The following CNTNAP4 variants were observed in gnomAD, a reference collection of about 807,000 sequenced individuals.
CNTNAP4 encodes contactin-associated protein-like 4.
CNTNAP4 carries 98 observed loss-of-function variants against 148.4 expected under a neutral mutation model. The observed-to-expected ratio is 0.66, with a 90% CI of 0.56 to 0.78. The LOEUF (loss-of-function observed/expected upper bound fraction) is 0.78, where lower values mean the gene tolerates loss of function less well. CNTNAP4 is among the 30% of genes least tolerant of loss of function. The pLI, the probability that CNTNAP4 is intolerant of heterozygous loss-of-function variation, is 0.00. For synonymous variants in CNTNAP4, 730 were observed against 565.1 expected, an observed-to-expected ratio of 1.29 and a Z score of -4.14; for missense variants, 1,935 against 1,565.6, an observed-to-expected ratio of 1.24 and a Z score of -3.98.
chr16:76,488,628 C>G (rs888189142), intron 12 of CNTNAP4, among the ~76,000 whole-genome samples: 35 of 152,236 alleles, frequency 2.3e-4, no homozygotes, highest in African/African-American at 8.4e-4. Flanking sequence ...TGGGATATTC[C>G]TCTGTATTAC....
chr16:76,413,155 T>C (rs1327639229), intron 3 of CNTNAP4, among the ~76,000 whole-genome samples: 5 of 151,294 alleles, frequency 3.3e-5, no homozygotes, highest in African/African-American at 4.8e-5. Context: ...ACAGTTATTA[T>C]TGACTATAGT....
At chr16:76,464,031 C>G (rs1178750122) in intron 9 of CNTNAP4, among the ~76,000 whole-genome samples, 1 of 152,118 alleles carries the variant, frequency 6.6e-6, no homozygotes, top group East Asian at 1.9e-4. Context: ...TCATTAAATA[C>G]AAGCCCTGCA....
chr16:76,538,573 TATA>T (rs2144271454), intron 19 of CNTNAP4, among the ~76,000 whole-genome samples: 1 of 152,152 alleles, frequency 6.6e-6, no homozygotes, highest in East Asian at 1.9e-4. Context: ...ATATTCAATG[TATA>T]ATTTTATTTA....
rs547717714 is a variant in CNTNAP4, at chr16:76,429,310, AAAACC to A, written c.538+1714_538+1718del. ...TCATGCCACATGATGGACAACTAGTAAAACCAATTTCAAAGTGCTTCCTGTTTACA... is the reference window on the plus strand; with the variant it reads ...TCATGCCACATGATGGACAACTAGTAAATTTCAAAGTGCTTCCTGTTTACA... On this transcript the variant is annotated intron_variant, in intron 4 of 23. Coordinates refer to ENST00000611870, the MANE Select transcript of CNTNAP4 (RefSeq NM_033401.5). Among the ~76,000 whole-genome samples, 237 of 152,318 alleles carry A rather than the reference AAAACC, an allele frequency of 1.6e-3. 1 individual carries two copies. The highest frequency in any genetic ancestry group is 2.7e-3 in the Non-Finnish European group (187 of 68,022).
Position 76,520,251 on chromosome 16 carries a change from A to T in CNTNAP4, c.2366-889A>T, listed in dbSNP as rs889246154. On this transcript the variant is annotated intron_variant, in intron 15 of 23. Transcript: ENST00000611870. ...AGTCGGATTTCACTCCTGTCAGCTC[A>T]TGCTGTTGCATTTATATTTGATTTT... Among the ~76,000 whole-genome samples, 6 of 152,306 alleles carry T rather than the reference A, an allele frequency of 3.9e-5. No homozygotes were observed. The East Asian group carries it at 1.2e-3, about 29-fold the overall frequency.
intron 10 of CNTNAP4, among the ~76,000 whole-genome samples, chr16:76,473,514 C>A (rs2081444376): frequency 6.6e-6 from 1 of 152,014 alleles, no homozygotes; most frequent in Non-Finnish European, 1.5e-5. Flanking sequence ...GATGGCAGAC[C>A]TGTAATCCCA....
At chr16:76,483,668 A>G (rs2081922628) in intron 12 of CNTNAP4, among the ~76,000 whole-genome samples, 1 of 152,200 alleles carries the variant, frequency 6.6e-6, no homozygotes, top group Non-Finnish European at 1.5e-5. Flanking sequence ...TGAGTAGCAC[A>G]AAAATGCAAA....
intron 9 of CNTNAP4, among the ~76,000 whole-genome samples, chr16:76,463,408 C>G (rs1421389331): frequency 6.6e-6 from 1 of 152,024 alleles, no homozygotes. Context: ...TTTAACAATG[C>G]CTAGCTAGTT....
intron 3 of CNTNAP4, among the ~76,000 whole-genome samples, chr16:76,368,001 C>T (rs148881739): frequency 6.6e-5 from 10 of 152,170 alleles, no homozygotes; most frequent in African/African-American, 2.2e-4. Context: ...GAGGTGGGAG[C>T]CCAGATTTTT....
chr16:76,418,495 G>C (rs2079067473), intron 3 of CNTNAP4, among the ~76,000 whole-genome samples: 1 of 151,186 alleles, frequency 6.6e-6, no homozygotes, highest in Admixed American at 6.6e-5. Flanking sequence ...GCCCATCAAA[G>C]GCATTCTTCA....
At position 76,448,000 on chromosome 16, in the gene CNTNAP4, CT is replaced by C; in HGVS notation, c.539-9del. 1 of 1,595,250 alleles carries C rather than the reference CT, an allele frequency of 6.3e-7. No individual in the cohort carries two copies. On this transcript the variant is annotated splice_polypyrimidine_tract_variant and intron_variant, in intron 4 of 23. Coordinates refer to ENST00000611870, the MANE Select transcript of CNTNAP4 (RefSeq NM_033401.5). The stretch of plus-strand genomic sequence containing the variant: ...TTATCCTTAGAATGCCTTCTACTAT[CT>C]TTGTTTCTAGGATCAGAAGTGGTTG...
At chr16:76,299,554 A>C (rs1959708877) in intron 1 of CNTNAP4, among the ~76,000 whole-genome samples, 1 of 152,152 alleles carries the variant, frequency 6.6e-6, no homozygotes, top group African/African-American at 2.4e-5. Context: ...GTGGGACTGT[A>C]AACTAGTTCA....
chr16:76,516,988 C>T (rs562202962), intron 15 of CNTNAP4, among the ~76,000 whole-genome samples: 14 of 152,238 alleles, frequency 9.2e-5, no homozygotes, highest in East Asian at 5.8e-4. Context: ...CGCTTCAACC[C>T]GGGAGGTGGA....
chr16:76,382,342 T>C (rs1412187352), intron 3 of CNTNAP4, among the ~76,000 whole-genome samples: 1 of 152,114 alleles, frequency 6.6e-6, no homozygotes, highest in African/African-American at 2.4e-5. Flanking sequence ...TAAAGTGACT[T>C]TAAAACAGTA....
At chr16:76,449,042 T>A in intron 6 of CNTNAP4, 91 bp downstream of exon 6, 1 of 1,195,374 alleles carries the variant, frequency 8.4e-7, no homozygotes. Flanking sequence ...GAGCCCACCT[T>A]TTCAGTAAAT....
rs375548298 is a variant in CNTNAP4, at chr16:76,462,082, C to T, written c.1460C>T (p.Ser487Leu). 5.3e-5 allele frequency: 85 copies of T among 1,613,340 alleles called. No individual in the cohort carries two copies. The highest frequency in any genetic ancestry group is 1.1e-4 in the African/African-American group (8 of 74,896). Residue 487 changes from serine (S) to leucine (L), a missense_variant, in exon 9 of 24, where the codon TCG (serine) becomes TTG (leucine). Ser to Leu is a moderately radical substitution (Grantham distance 145). Coordinates refer to ENST00000611870, the MANE Select transcript of CNTNAP4 (RefSeq NM_033401.5). Reference sequence around the variant, plus strand: ...CTGCTGGGGCCTGAGCAGATTTATTCGGGTGGCACCTATTATTTTGGAGGT... The same window carrying T: ...CTGCTGGGGCCTGAGCAGATTTATTTGGGTGGCACCTATTATTTTGGAGGT... The part of the protein sequence containing the change: ...APLLGPEQIY[S>L]GGTYYFGGCP...
intron 3 of CNTNAP4, among the ~76,000 whole-genome samples, chr16:76,392,465 T>C (rs535301721): frequency 9.4e-4 from 143 of 152,254 alleles, no homozygotes; most frequent in Non-Finnish European, 1.6e-3. Flanking sequence ...GAAATAAGGA[T>C]ACAGAATTCC....
chr16:76,535,898 C>G (rs1359190441), intron 18 of CNTNAP4, 114 bp downstream of exon 18: 14 of 1,171,522 alleles, frequency 1.2e-5, no homozygotes, highest in South Asian at 1.5e-5. Flanking sequence ...TTCTGAATTG[C>G]TTTGGCAAAG....
At chr16:76,374,779 T>TATTATG in intron 3 of CNTNAP4, among the ~76,000 whole-genome samples, 1 of 149,728 alleles carries the variant, frequency 6.7e-6, no homozygotes, top group Non-Finnish European at 1.5e-5. Context: ...TTATTATTAT[T>TATTATG]ATTATTTGAG....
Sources: gnomAD v4.1 joint callset for allele counts (sites outside exome capture counted in the v4.1 genomes callset) on GRCh38, gnomAD v4.1.1 for gene constraint, MANE v1.5 for transcripts, NCBI Gene and HGNC (gene_info 2026-07-23, HGNC 2026-07-21) for gene names.